The following SH3BGRL variants were observed in gnomAD, a reference collection of about 807,000 sequenced individuals.
SH3BGRL encodes SH3 domain binding glutamate rich protein like, also known as adapter SH3BGRL.
A neutral mutation model predicts 9.8 loss-of-function variants in SH3BGRL; 7 were observed. That is an observed-to-expected ratio of 0.72 (90% CI 0.41 to 1.35). SH3BGRL has a LOEUF of 1.35. Ranked by LOEUF, SH3BGRL falls within the 40% of genes most tolerant of loss-of-function variation. The pLI, the probability that SH3BGRL is intolerant of heterozygous loss-of-function variation, is 0.01. For missense variants in SH3BGRL, 73 were observed against 84.4 expected, an observed-to-expected ratio of 0.86 and a Z score of 0.53; for synonymous variants, 36 against 29.1, an observed-to-expected ratio of 1.24 and a Z score of -0.76.
intron 1 of SH3BGRL, among the ~76,000 whole-genome samples, chrX:81,253,479 A>G (rs895396314): frequency 1.8e-5 from 2 of 111,421 alleles, no homozygotes; most frequent in African/African-American, 6.5e-5. Flanking sequence ...TTGGCCTCTC[A>G]AAGTGCTGGA....
intron 3 of SH3BGRL, among the ~76,000 whole-genome samples, chrX:81,295,946 A>G (rs1351572823): frequency 1.8e-5 from 2 of 111,425 alleles, no homozygotes; most frequent in Non-Finnish European, 3.8e-5. Context: ...GTATCTTTAT[A>G]GTAATACCCC....
In SH3BGRL at chrX:81,297,329, A is replaced by G. The variant is rs2075878683; in HGVS notation, c.*102A>G. 1.6e-6 allele frequency: 1 copy of G among 631,882 alleles called. No homozygotes were observed. The highest frequency in any genetic ancestry group is 2.4e-6 in the Non-Finnish European group (1 of 415,843). 52.1% of individuals were successfully genotyped at this position (631,882 alleles called of 1,213,427 possible). ...TTCAAAAGAAATAGGCTTAATGTTG[A>G]AATAATAGATTAGTTGGGTTTTCAC... On this transcript the variant is annotated 3_prime_UTR_variant, in exon 4 of 4. Transcript: ENST00000373212.
intron 3 of SH3BGRL, among the ~76,000 whole-genome samples, chrX:81,295,811 G>A (rs907530671): frequency 1.8e-5 from 2 of 111,367 alleles, no homozygotes; most frequent in Non-Finnish European, 3.8e-5. Flanking sequence ...GTCACTATCA[G>A]CATTTCGGTC....
chrX:81,264,630 C>A (rs775560217), intron 1 of SH3BGRL, among the ~76,000 whole-genome samples: 53 of 110,350 alleles, frequency 4.8e-4, no homozygotes, highest in Non-Finnish European at 9.5e-4. Flanking sequence ...CAACTCTAGG[C>A]AAAATTCTGA....
intron 3 of SH3BGRL, among the ~76,000 whole-genome samples, chrX:81,292,633 T>G (rs1376408153): frequency 8.9e-6 from 1 of 112,875 alleles, no homozygotes; most frequent in Non-Finnish European, 1.9e-5. Flanking sequence ...AAATGGGTTT[T>G]TATTTTCTAC....
intron 1 of SH3BGRL, among the ~76,000 whole-genome samples, chrX:81,252,375 A>G (rs565111308): frequency 8.9e-6 from 1 of 112,079 alleles, no homozygotes; most frequent in African/African-American, 3.2e-5. Flanking sequence ...TTGGATCACT[A>G]AGTGATACTT....
intron 1 of SH3BGRL, among the ~76,000 whole-genome samples, chrX:81,215,093 G>A (rs1278652732): frequency 9.1e-6 from 1 of 110,457 alleles, no homozygotes; most frequent in East Asian, 2.9e-4. Flanking sequence ...ATAAAGAAAG[G>A]AAAATGGAAT....
chrX:81,288,307 A>G (rs2075844104), intron 3 of SH3BGRL, among the ~76,000 whole-genome samples: 1 of 112,208 alleles, frequency 8.9e-6, no homozygotes, highest in Non-Finnish European at 1.9e-5. Context: ...TAAAAGCCAT[A>G]TATGACTGAA....
At chrX:81,279,552 G>T (rs927091877) in intron 3 of SH3BGRL, among the ~76,000 whole-genome samples, 2 of 111,392 alleles carry the variant, frequency 1.8e-5, no homozygotes, top group Non-Finnish European at 3.8e-5. Context: ...CTCCTCTCCC[G>T]AACAGATACC....
chrX:81,245,849 A>G, intron 1 of SH3BGRL, among the ~76,000 whole-genome samples: 1 of 111,918 alleles, frequency 8.9e-6, no homozygotes, highest in Admixed American at 9.4e-5. Context: ...CCCAGCAATT[A>G]GATTGCTAGG....
intron 1 of SH3BGRL, among the ~76,000 whole-genome samples, chrX:81,253,908 T>A (rs2075718064): frequency 9.0e-6 from 1 of 111,683 alleles, no homozygotes; most frequent in Non-Finnish European, 1.9e-5. Context: ...GGATTCAGAT[T>A]ATGTATCCTT....
intron 3 of SH3BGRL, among the ~76,000 whole-genome samples, chrX:81,289,011 C>T (rs1189261949): frequency 8.9e-6 from 1 of 112,145 alleles, no homozygotes; most frequent in Non-Finnish European, 1.9e-5. Context: ...AATCACATTA[C>T]CTGACTTCCA....
At chrX:81,252,096 A>G (rs1200245426) in intron 1 of SH3BGRL, among the ~76,000 whole-genome samples, 1 of 112,196 alleles carries the variant, frequency 8.9e-6, no homozygotes, top group Non-Finnish European at 1.9e-5. Flanking sequence ...ATGAAGAATC[A>G]TTAACAAGTA....
At chrX:81,218,409 T>G (rs770536566) in intron 1 of SH3BGRL, among the ~76,000 whole-genome samples, 1 of 110,658 alleles carries the variant, frequency 9.0e-6, no homozygotes, top group African/African-American at 3.3e-5. Context: ...AGAACTCCTT[T>G]TAGCATTTCT....
At chrX:81,206,810 C>G (rs1225740588) in intron 1 of SH3BGRL, among the ~76,000 whole-genome samples, 1 of 112,098 alleles carries the variant, frequency 8.9e-6, no homozygotes, top group African/African-American at 3.2e-5. Flanking sequence ...AAAGCCTAAA[C>G]TGGTCTGGTA....
At chrX:81,223,752 T>C (rs1025642684) in intron 1 of SH3BGRL, among the ~76,000 whole-genome samples, 2 of 111,725 alleles carry the variant, frequency 1.8e-5, no homozygotes, top group Non-Finnish European at 3.8e-5. Flanking sequence ...CCAGGCTAGA[T>C]TGCAGTGATG....
At chrX:81,206,908 A>G (rs2075549535) in intron 1 of SH3BGRL, among the ~76,000 whole-genome samples, 1 of 112,379 alleles carries the variant, frequency 8.9e-6, no homozygotes, top group African/African-American at 3.2e-5. Context: ...TAGTCTGTCT[A>G]TATGAAGTGA....
At chrX:81,261,576 A>C (rs753227043) in intron 1 of SH3BGRL, among the ~76,000 whole-genome samples, 1 of 111,307 alleles carries the variant, frequency 9.0e-6, no homozygotes, top group East Asian at 2.9e-4. Context: ...TTGTGCTCCA[A>C]TCTTTTTGTG....
intron 1 of SH3BGRL, among the ~76,000 whole-genome samples, chrX:81,242,754 T>A (rs748662779): frequency 9.0e-6 from 1 of 111,451 alleles, no homozygotes; most frequent in South Asian, 3.8e-4. Flanking sequence ...AATCAAAAAA[T>A]GGGCATACAG....
Sources: allele counts gnomAD v4.1 joint callset (sites outside exome capture counted in the v4.1 genomes callset), GRCh38; gene constraint gnomAD v4.1.1; transcripts MANE v1.5; gene names NCBI Gene and HGNC (gene_info 2026-07-23, HGNC 2026-07-21).